ANO3: variants seen among roughly 807,000 people sequenced by gnomAD.
ANO3 encodes the protein anoctamin 3.
ANO3 carries 99 observed loss-of-function variants against 144.8 expected under a neutral mutation model. That is an observed-to-expected ratio of 0.68 (90% CI 0.58 to 0.81). The LOEUF is 0.81. Ranked by LOEUF, ANO3 falls within the 30% of genes least tolerant of loss-of-function variation. The probability of loss-of-function intolerance (pLI) is 0.00; values close to 1 mark genes in which losing one functional copy is unlikely to be tolerated. For synonymous variants in ANO3, 414 were observed against 392.6 expected (o/e 1.05, Z -0.64); for missense variants, 905 against 1,202.2 (o/e 0.75, Z 3.66).
chr11:26,644,453 A>G (rs1408346831), intron 23 of ANO3, among the ~76,000 whole-genome samples: 2 of 152,172 alleles, frequency 1.3e-5, no homozygotes, highest in Admixed American at 1.3e-4. Flanking sequence ...TTGCCAGATT[A>G]TTTCCTCAGG....
chr11:26,368,399 C>T (rs1856152995), intron 1 of ANO3, among the ~76,000 whole-genome samples: 1 of 152,178 alleles, frequency 6.6e-6, no homozygotes, highest in Non-Finnish European at 1.5e-5. Context: ...TTTACATCAA[C>T]AACCTCAATA....
chr11:26,292,188 C>T (rs1295840568), intron 1 of ANO3, among the ~76,000 whole-genome samples: 3 of 152,042 alleles, frequency 2.0e-5, no homozygotes, highest in African/African-American at 7.2e-5. Context: ...GCCTTTCTTC[C>T]ACTTGATCCA....
chr11:26,420,544 G>A (rs542392160), intron 1 of ANO3, among the ~76,000 whole-genome samples: 17 of 152,158 alleles, frequency 1.1e-4, no homozygotes, highest in Non-Finnish European at 2.2e-4. Context: ...ATAAGAGAGA[G>A]GTTGGGCTAT....
intron 1 of ANO3, among the ~76,000 whole-genome samples, chr11:26,424,287 A>G (rs1857853661): frequency 7.0e-6 from 1 of 143,738 alleles, no homozygotes; most frequent in Non-Finnish European, 1.5e-5. Flanking sequence ...ACACATTTCT[A>G]TATGTCAGTT....
intron 1 of ANO3, among the ~76,000 whole-genome samples, chr11:26,215,153 A>G (rs34988725): frequency 0.3 from 45,842 of 151,582 alleles, 7,675 homozygotes; most frequent in Non-Finnish European, 0.37. Context: ...CCCTTACCAT[A>G]CTGTACTCTT....
intron 13 of ANO3, among the ~76,000 whole-genome samples, chr11:26,555,073 T>C (rs141172304): frequency 1.3e-5 from 2 of 152,314 alleles, no homozygotes; most frequent in Non-Finnish European, 2.9e-5. Flanking sequence ...TAAAGTTAGT[T>C]TCTGATTTAT....
intron 1 of ANO3, among the ~76,000 whole-genome samples, chr11:26,383,861 C>CGCATTGTTCTTGTGCCAT (rs1564994506): frequency 1.3e-5 from 2 of 148,570 alleles, no homozygotes; most frequent in Non-Finnish European, 3.0e-5. Context: ...CTTTGTGCCA[C>CGCATTGTTCTTGTGCCAT]GCATTGTTCT....
intron 1 of ANO3, among the ~76,000 whole-genome samples, chr11:26,320,453 A>G (rs1387887473): frequency 6.6e-6 from 1 of 152,202 alleles, no homozygotes; most frequent in Non-Finnish European, 1.5e-5. Flanking sequence ...CACAAACTAC[A>G]AAGATGTTGT....
chr11:26,457,370 T>G (rs1166379467), intron 3 of ANO3, among the ~76,000 whole-genome samples: 2 of 151,876 alleles, frequency 1.3e-5, no homozygotes, highest in East Asian at 1.9e-4. Flanking sequence ...AGATTAAATT[T>G]AAAATTTTCC....
intron 1 of ANO3, among the ~76,000 whole-genome samples, chr11:26,370,299 T>C (rs1188951016): frequency 2.0e-5 from 3 of 152,170 alleles, no homozygotes; most frequent in Admixed American, 2.0e-4. Context: ...CCTGCTGCCA[T>C]GAAAAGAAGG....
intron 1 of ANO3, among the ~76,000 whole-genome samples, chr11:26,423,301 C>A (rs1386816222): frequency 1.8e-5 from 2 of 109,932 alleles, no homozygotes; most frequent in African/African-American, 3.5e-5. Flanking sequence ...CCTGTATATA[C>A]CTTTATACTT....
chr11:26,278,365 T>C (rs1213975873), intron 1 of ANO3, among the ~76,000 whole-genome samples: 3 of 152,164 alleles, frequency 2.0e-5, no homozygotes, highest in Non-Finnish European at 2.9e-5. Context: ...ATTAGGATAA[T>C]GGATCAGACA....
chr11:26,189,710 C>T (rs1292380321), intron 1 of ANO3, among the ~76,000 whole-genome samples: 1 of 152,078 alleles, frequency 6.6e-6, no homozygotes, highest in Admixed American at 6.6e-5. Context: ...TAATTCATCT[C>T]TTTTATCTCT....
chr11:26,555,692 T>G (rs11029615), intron 13 of ANO3, among the ~76,000 whole-genome samples: 6,955 of 152,262 alleles, frequency 0.046, 266 homozygotes, highest in Admixed American at 0.094. Context: ...TAAGATAAAA[T>G]GTAGCTACTT....
At chr11:26,603,997 C>A (rs1450002742) in intron 17 of ANO3, among the ~76,000 whole-genome samples, 1 of 151,998 alleles carries the variant, frequency 6.6e-6, no homozygotes, top group African/African-American at 2.4e-5. Flanking sequence ...ATGTAAAATA[C>A]CTAAGTGTTA....
intron 4 of ANO3, among the ~76,000 whole-genome samples, chr11:26,491,606 A>G (rs1434769929): frequency 6.6e-6 from 1 of 152,252 alleles, no homozygotes; most frequent in Non-Finnish European, 1.5e-5. Context: ...ACGAGGTGTC[A>G]GGAATAAAGA....
chr11:26,317,340 G>C (rs1166988047), intron 1 of ANO3, among the ~76,000 whole-genome samples: 5 of 150,824 alleles, frequency 3.3e-5, no homozygotes, highest in Non-Finnish European at 7.4e-5. Flanking sequence ...CAGAATGGGA[G>C]AAAATTTTTG....
At chr11:26,581,011 TA>T (rs1364250622) in intron 14 of ANO3, among the ~76,000 whole-genome samples, 1 of 152,200 alleles carries the variant, frequency 6.6e-6, no homozygotes, top group Non-Finnish European at 1.5e-5. Context: ...TCTGTGATGC[TA>T]ATTTCTTCCT....
intron 1 of ANO3, among the ~76,000 whole-genome samples, chr11:26,352,611 A>T (rs12803277): frequency 6.6e-6 from 1 of 152,232 alleles, no homozygotes; most frequent in Non-Finnish European, 1.5e-5. Flanking sequence ...CTTTGCCAGT[A>T]CATAAATATT....
Sources: allele counts gnomAD v4.1 joint callset (sites outside exome capture counted in the v4.1 genomes callset), GRCh38; gene constraint gnomAD v4.1.1; transcripts MANE v1.5; gene names NCBI Gene and HGNC (gene_info 2026-07-23, HGNC 2026-07-21).